Variants in NGLY1 observed in about 807,000 individuals in gnomAD.
NGLY1 encodes the protein peptide-N(4)-(N-acetyl-beta-glucosaminyl)asparagine amidase.
In NGLY1, 68 loss-of-function variants were observed where a neutral mutation model predicts 84.6. The ratio of observed to expected loss-of-function variants is 0.80; its 90% CI spans 0.66 to 0.98. NGLY1 has a LOEUF of 0.98. NGLY1 is among the 50% of genes least tolerant of loss of function. The probability of loss-of-function intolerance (pLI) is 0.00; values close to 1 mark genes in which losing one functional copy is unlikely to be tolerated. For missense variants in NGLY1, 779 were observed against 770.2 expected, an observed-to-expected ratio of 1.01 and a Z score of -0.14; for synonymous variants, 280 against 275.2, an observed-to-expected ratio of 1.02 and a Z score of -0.17.
chr3:25,740,206 T>A (rs1023625827), intron 4 of NGLY1, among the ~76,000 whole-genome samples: 2 of 152,154 alleles, frequency 1.3e-5, no homozygotes, highest in Non-Finnish European at 2.9e-5. Context: ...CAAGTAAACA[T>A]GAAACAATCA....
At chr3:25,737,140 T>C in intron 6 of NGLY1, 194 bp downstream of exon 6, 2 of 510,426 alleles carry the variant, frequency 3.9e-6, no homozygotes. Flanking sequence ...GGCACAGTGC[T>C]AGGTGTTTTA....
At chr3:25,769,121 G>A (rs969999299) in intron 2 of NGLY1, among the ~76,000 whole-genome samples, 1 of 152,080 alleles carries the variant, frequency 6.6e-6, no homozygotes, top group African/African-American at 2.4e-5. Flanking sequence ...CACTTTGGGA[G>A]ACCAAGGTAG....
chr3:25,755,719 C>A, intron 3 of NGLY1: 1 of 1,300,872 alleles, frequency 7.7e-7, no homozygotes, highest in Non-Finnish European at 1.1e-6. Flanking sequence ...AAAAGGAAAG[C>A]TGGTTTTGAG....
At chr3:25,723,942 T>C (rs1705132578) in intron 10 of NGLY1, among the ~76,000 whole-genome samples, 1 of 152,202 alleles carries the variant, frequency 6.6e-6, no homozygotes, top group Non-Finnish European at 1.5e-5. Context: ...TTGCTCCTTG[T>C]TGTAAGCACA....
intron 2 of NGLY1, among the ~76,000 whole-genome samples, chr3:25,777,395 CAAAAAAA>C (rs11332980): frequency 4.6e-5 from 4 of 87,474 alleles, no homozygotes; most frequent in Admixed American, 1.4e-4. Flanking sequence ...AACTCCATCT[CAAAAAAA>C]AAAAAAAAAA....
intron 3 of NGLY1, 138 bp from the exon 4 acceptor site, chr3:25,751,401 A>G (rs1258630453): frequency 2.9e-6 from 2 of 681,702 alleles, no homozygotes; most frequent in African/African-American, 3.7e-5. Context: ...AATTATACCC[A>G]TAAACTTCAT....
At chr3:25,784,863 A>G (rs919271083), upstream of NGLY1, among the ~76,000 whole-genome samples, 1 of 152,188 alleles carries the variant, frequency 6.6e-6, no homozygotes, top group Non-Finnish European at 1.5e-5. Flanking sequence ...GCTTAACACA[A>G]GAGTAATTTC....
rs1705803915 is a variant in NGLY1, at chr3:25,736,086, T to C, written c.1067A>G (p.Glu356Gly). The change falls in exon 7 of 12, where the codon GAA (glutamate) becomes GGA (glycine). Residue 356 changes from glutamate (E) to glycine (G), a missense_variant. Glu to Gly is a moderately conservative substitution (Grantham distance 98). Coordinates refer to ENST00000280700, the MANE Select transcript of NGLY1 (RefSeq NM_018297.4). ...AAGGAGTGGCTTGTCACAGACATCTTCACATGCATCACAGTGCAGCCACCG... is the reference window on the plus strand; with the variant it reads ...AAGGAGTGGCTTGTCACAGACATCTCCACATGCATCACAGTGCAGCCACCG... ...QQRWLHCDAC[E>G]DVCDKPLLYE... is the part of the protein sequence containing the mutation. 1 of 1,613,944 alleles carries C rather than the reference T, an allele frequency of 6.2e-7. No homozygotes were observed. Among genetic ancestry groups the C allele is most frequent in the Non-Finnish European group, 8.5e-7 (1 of 1,179,934 alleles).
chr3:25,750,380 A>G (rs1299921427), intron 4 of NGLY1, among the ~76,000 whole-genome samples: 2 of 152,198 alleles, frequency 1.3e-5, no homozygotes, highest in African/African-American at 2.4e-5. Flanking sequence ...TCATTATGCT[A>G]AGTGAAATAA....
chr3:25,751,268 T>TA lies in NGLY1; in HGVS notation c.493-6dup. 1 of 1,493,924 alleles carries TA rather than the reference T, an allele frequency of 6.7e-7. No homozygotes were observed. The highest frequency in any genetic ancestry group is 8.9e-7 in the Non-Finnish European group (1 of 1,123,914). 92.5% of individuals were successfully genotyped at this position (1,493,924 alleles called of 1,614,324 possible). On this transcript the variant is annotated splice_region_variant and splice_polypyrimidine_tract_variant and intron_variant, in intron 3 of 11. Coordinates refer to ENST00000280700, the MANE Select transcript of NGLY1 (RefSeq NM_018297.4). Reference sequence around the variant, plus strand: ...AATGGCTGAGTCAGCAGCAACCTAATAGGAAAAAAAAAAACTGAAATTAAC... The same window carrying TA: ...AATGGCTGAGTCAGCAGCAACCTAATAAGGAAAAAAAAAAACTGAAATTAAC...
chr3:25,741,130 T>TAAA (rs376282084), intron 4 of NGLY1, among the ~76,000 whole-genome samples: 3 of 105,640 alleles, frequency 2.8e-5, no homozygotes, highest in Non-Finnish European at 5.9e-5. Flanking sequence ...TCTGTCTCAT[T>TAAA]AAAAAAAAAA....
chr3:25,764,320 T>C lies in NGLY1; in HGVS notation c.247-9A>G. The C allele has an allele frequency of 6.2e-7, 1 of 1,602,700 alleles. No individual in the cohort carries two copies. The highest frequency in any genetic ancestry group is 8.5e-7 in the Non-Finnish European group (1 of 1,175,806). On this transcript the variant is annotated splice_polypyrimidine_tract_variant and intron_variant, in intron 2 of 11. Coordinates refer to ENST00000280700, the MANE Select transcript of NGLY1 (RefSeq NM_018297.4). Reference sequence around the variant, plus strand: ...ATGAGATGTGTTTCTCCCTGGAATTTATAAAATTAAAAAAAATGTGAACCT... The same window carrying C: ...ATGAGATGTGTTTCTCCCTGGAATTCATAAAATTAAAAAAAATGTGAACCT...
chr3:25,770,184 CTT>C (rs1707824507), intron 2 of NGLY1, among the ~76,000 whole-genome samples: 1 of 152,178 alleles, frequency 6.6e-6, no homozygotes, highest in Non-Finnish European at 1.5e-5. Context: ...GAGTTTTGCT[CTT>C]GTCACACAAG....
At chr3:25,759,884 T>G (rs912997516) in intron 3 of NGLY1, among the ~76,000 whole-genome samples, 1 of 150,422 alleles carries the variant, frequency 6.6e-6, no homozygotes, top group African/African-American at 2.4e-5. Context: ...TCAATGGAAG[T>G]TAGATTAGCA....
chr3:25,719,466 G>T lies in NGLY1; in HGVS notation c.1959C>A (p.Asp653Glu). 1 of 1,613,016 alleles carries T rather than the reference G, an allele frequency of 6.2e-7. No homozygotes were observed. Among genetic ancestry groups the T allele is most frequent in the Admixed American group, 1.7e-5 (1 of 59,970 alleles). The change falls in exon 12 of 12, where the codon GAC becomes GAA. Residue 653 changes from aspartate (D) to glutamate (E), a missense_variant. Physicochemically the swap from Asp to Glu is conservative, Grantham distance 45. Coordinates refer to ENST00000280700, the MANE Select transcript of NGLY1 (RefSeq NM_018297.4). Reference sequence around the variant, plus strand: ...TTCTATAATGTTCAGGTTCTCAAAGGTCACTGAATTTTATAATTATCTCCA... The same window carrying T: ...TTCTATAATGTTCAGGTTCTCAAAGTTCACTGAATTTTATAATTATCTCCA... ...NCLEIIIKFSDL is the reference protein window; with the variant it reads ...NCLEIIIKFSEL
At position 25,749,422 on chromosome 3, in the gene NGLY1, A is replaced by G. The variant is rs1053627760; in HGVS notation, c.658+1676T>C. ...TAAACAGGACATTATTCACCTTAAA[A>G]AGGAAGGAAGCTCTCTCCTCCTCAG... is the stretch of plus-strand genomic sequence containing the variant. On this transcript the variant is annotated intron_variant, in intron 4 of 11. Coordinates refer to ENST00000280700, the MANE Select transcript of NGLY1 (RefSeq NM_018297.4). 42 of 920,768 alleles carry G rather than the reference A, an allele frequency of 4.6e-5. No individual in the cohort carries two copies. The East Asian group carries it at 1.0e-3, about 22-fold the overall frequency. 57.0% of individuals were successfully genotyped at this position (920,768 alleles called of 1,614,324 possible).
intron 10 of NGLY1, among the ~76,000 whole-genome samples, chr3:25,727,456 A>T (rs892302135): frequency 1.3e-5 from 2 of 152,166 alleles, no homozygotes; most frequent in Admixed American, 6.6e-5. Flanking sequence ...CTTGCCTGAT[A>T]AACACCTACT....
At chr3:25,775,790 C>T (rs984013663) in intron 2 of NGLY1, among the ~76,000 whole-genome samples, 8 of 152,086 alleles carry the variant, frequency 5.3e-5, no homozygotes, top group Admixed American at 2.0e-4. Context: ...TAGCACAATA[C>T]GGTGACTACG....
In NGLY1 at chr3:25,729,227, C is replaced by T. The variant is rs146208989; in HGVS notation, c.1517G>A (p.Arg506Gln). 2.6e-5 allele frequency: 40 copies of T among 1,559,008 alleles called. No homozygotes were observed. Among genetic ancestry groups the T allele is most frequent in the African/African-American group, 6.9e-5 (5 of 72,840 alleles). The change falls in exon 10 of 12, where the codon CGA (arginine) becomes CAA (glutamine). Residue 506 changes from arginine (R) to glutamine (Q), a missense_variant. Physicochemically the swap from Arg to Gln is conservative, Grantham distance 43 (BLOSUM62 1). Coordinates refer to ENST00000280700, the MANE Select transcript of NGLY1 (RefSeq NM_018297.4). ...CYNIVKDRYV[R>Q]VSNNNQTISG... ...AATGGTTTGATTGTTATTTGAAACT[C>T]GAACATAACGATCTTTCACAATATT...
Sources: gnomAD v4.1 joint callset for allele counts (sites outside exome capture counted in the v4.1 genomes callset) on GRCh38, gnomAD v4.1.1 for gene constraint, MANE v1.5 for transcripts, NCBI Gene and HGNC (gene_info 2026-07-23, HGNC 2026-07-21) for gene names.